MIPEP: variants seen among roughly 807,000 people sequenced by gnomAD.
MIPEP encodes mitochondrial intermediate peptidase.
In MIPEP, 79 loss-of-function variants were observed where a neutral mutation model predicts 90.3. The observed-to-expected ratio is 0.87, with a 90% CI of 0.73 to 1.05. The LOEUF (loss-of-function observed/expected upper bound fraction) is 1.05. Ranked by LOEUF, MIPEP falls within the 50% of genes least tolerant of loss-of-function variation. MIPEP has a pLI of 0.00. For synonymous variants in MIPEP, 334 were observed against 315.8 expected (o/e 1.06, Z -0.61); for missense variants, 940 against 905.6 (o/e 1.04, Z -0.49).
At chr13:23,756,990 G>A (rs1424479610) in intron 17 of MIPEP, among the ~76,000 whole-genome samples, 1 of 152,246 alleles carries the variant, frequency 6.6e-6, no homozygotes, top group African/African-American at 2.4e-5. Context: ...GTTGATGGGG[G>A]AGGGATGGTT....
chr13:23,748,825 T>C (rs1952409877), intron 18 of MIPEP, among the ~76,000 whole-genome samples: 1 of 152,196 alleles, frequency 6.6e-6, no homozygotes, highest in Admixed American at 6.5e-5. Flanking sequence ...CGCCTCCACA[T>C]ACCTGGAGGC....
intron 7 of MIPEP, among the ~76,000 whole-genome samples, chr13:23,867,991 C>T (rs960887831): frequency 6.6e-6 from 1 of 151,238 alleles, no homozygotes; most frequent in Non-Finnish European, 1.5e-5. Flanking sequence ...TTGACAACAG[C>T]GACTACAGAA....
At chr13:23,882,352 C>T in intron 2 of MIPEP, among the ~76,000 whole-genome samples, 1 of 147,640 alleles carries the variant, frequency 6.8e-6, no homozygotes, top group Non-Finnish European at 1.5e-5. Flanking sequence ...CTCTTAAAGG[C>T]TTTTTTTTTT....
chr13:23,851,896 C>T (rs1190532044), intron 10 of MIPEP, among the ~76,000 whole-genome samples: 3 of 152,124 alleles, frequency 2.0e-5, no homozygotes, highest in South Asian at 2.1e-4. Flanking sequence ...ACAAAGTATA[C>T]AACATCACCT....
intron 10 of MIPEP, 138 bp from the exon 11 acceptor site, chr13:23,841,626 T>C (rs768051375): frequency 1.2e-5 from 11 of 925,338 alleles, no homozygotes; most frequent in Admixed American, 3.2e-5. Context: ...ATTTATATCA[T>C]TTGAGGGGTT....
rs1445128077 is a variant in MIPEP, at chr13:23,796,239, C to T, written c.1848+9711G>A. ...TTCAAGACCAGCCTGGCCAATATGG[C>T]GAAACCACATCTCTACCAAAAATAC... On this transcript the variant is annotated intron_variant, in intron 16 of 18. Coordinates refer to ENST00000382172, the MANE Select transcript of MIPEP (RefSeq NM_005932.4). Among the ~76,000 whole-genome samples, 5 of 152,066 alleles carry T rather than the reference C, an allele frequency of 3.3e-5. 1 individual carries two copies. In the East Asian group the frequency reaches 5.8e-4, roughly 18 times the overall value.
intron 16 of MIPEP, among the ~76,000 whole-genome samples, chr13:23,781,790 G>C (rs1384610061): frequency 2.0e-5 from 3 of 152,228 alleles, no homozygotes; most frequent in African/African-American, 7.2e-5. Flanking sequence ...ACAAAAAAAG[G>C]CAGGGGTTGC....
At chr13:23,772,848 C>T (rs1952667983) in intron 16 of MIPEP, among the ~76,000 whole-genome samples, 1 of 152,170 alleles carries the variant, frequency 6.6e-6, no homozygotes, top group Non-Finnish European at 1.5e-5. Flanking sequence ...CACAGCCCTT[C>T]CCTGCTCTAA....
intron 18 of MIPEP, among the ~76,000 whole-genome samples, chr13:23,735,263 C>T (rs888482747): frequency 2.0e-5 from 3 of 152,150 alleles, no homozygotes; most frequent in African/African-American, 7.2e-5. Flanking sequence ...CCTCTCTTGG[C>T]TTTGGAGCCC....
At chr13:23,806,482 C>T (rs1201153360) in intron 15 of MIPEP, among the ~76,000 whole-genome samples, 1 of 152,072 alleles carries the variant, frequency 6.6e-6, no homozygotes, top group Non-Finnish European at 1.5e-5. Flanking sequence ...TCAAGACCAT[C>T]CTGGCTAACA....
intron 9 of MIPEP, among the ~76,000 whole-genome samples, chr13:23,860,547 T>C (rs1377981403): frequency 2.0e-5 from 3 of 152,142 alleles, no homozygotes; most frequent in Non-Finnish European, 4.4e-5. Context: ...CATGAGGGCT[T>C]GGCGGGAGCA....
intron 10 of MIPEP, among the ~76,000 whole-genome samples, chr13:23,847,853 TTA>T (rs138317088): frequency 0.09 from 13,673 of 152,252 alleles, 829 homozygotes; most frequent in Non-Finnish European, 0.14. Context: ...TGAGATAATA[TTA>T]TCTTATATTG....
intron 16 of MIPEP, among the ~76,000 whole-genome samples, chr13:23,803,376 C>CAACA (rs1953069577): frequency 6.6e-6 from 1 of 152,020 alleles, no homozygotes; most frequent in South Asian, 2.1e-4. Flanking sequence ...ACAACAACAA[C>CAACA]AACAACAACA....
At chr13:23,758,061 C>G (rs571599128) in intron 17 of MIPEP, among the ~76,000 whole-genome samples, 18 of 152,304 alleles carry the variant, frequency 1.2e-4, no homozygotes, top group Admixed American at 1.0e-3. Context: ...ACATCAAACA[C>G]TAGCCCTGGT....
chr13:23,845,032 A>G (rs1426578816), intron 10 of MIPEP, among the ~76,000 whole-genome samples: 2 of 152,156 alleles, frequency 1.3e-5, no homozygotes, highest in Non-Finnish European at 2.9e-5. Context: ...CCTTCCAGGC[A>G]TTTCCTATGC....
At position 23,853,222 on chromosome 13, in the gene MIPEP, G is replaced by A. The variant is rs183652189; in HGVS notation, c.1106+5638C>T. 6.6e-4 allele frequency among the ~76,000 whole-genome samples: 101 copies of A among 152,154 alleles called. 1 individual carries two copies. Among genetic ancestry groups the A allele is most frequent in the African/African-American group, 2.2e-3 (93 of 41,516 alleles). On this transcript the variant is annotated intron_variant, in intron 10 of 18. Transcript: ENST00000382172. ...GTCTATAAAGTCAATAATGGTGTAC[G>A]GTAATGTCCTAGGCCTTCACACTCA...
chr13:23,765,991 G>A (rs929866144), intron 16 of MIPEP: 1 of 152,066 alleles, frequency 6.6e-6, no homozygotes, highest in East Asian at 1.9e-4. Context: ...TACATTTCAA[G>A]ACCACCACAC....
intron 16 of MIPEP, among the ~76,000 whole-genome samples, chr13:23,803,092 G>A (rs1416259875): frequency 1.3e-5 from 2 of 152,050 alleles, no homozygotes; most frequent in Non-Finnish European, 2.9e-5. Context: ...GGCCAGGCGC[G>A]GTGGCTCATG....
chr13:23,786,221 G>C (rs1472789813), intron 16 of MIPEP, among the ~76,000 whole-genome samples: 1 of 151,960 alleles, frequency 6.6e-6, no homozygotes, highest in Admixed American at 6.6e-5. Context: ...AGTGAGGACC[G>C]TATCTTAAAA....
Sources: gnomAD v4.1 joint callset for allele counts (sites outside exome capture counted in the v4.1 genomes callset) on GRCh38, gnomAD v4.1.1 for gene constraint, MANE v1.5 for transcripts, NCBI Gene and HGNC (gene_info 2026-07-23, HGNC 2026-07-21) for gene names.